Variants in HELZ observed in about 807,000 individuals in gnomAD.
HELZ encodes the protein helicase with zinc finger.
In HELZ, 23 loss-of-function variants were observed where a neutral mutation model predicts 218.2. The ratio of observed to expected loss-of-function variants is 0.11; its 90% CI spans 0.08 to 0.15. The LOEUF (loss-of-function observed/expected upper bound fraction) is 0.15. Among genes scored for constraint, HELZ ranks in the 10% least tolerant of loss-of-function variants. The pLI is 1.00. For missense variants in HELZ, 1,813 were observed against 2,353.7 expected, an observed-to-expected ratio of 0.77 and a Z score of 4.75; for synonymous variants, 814 against 829.4, an observed-to-expected ratio of 0.98 and a Z score of 0.32.
At chr17:67,232,989 C>G (rs558543145) in intron 3 of HELZ, among the ~76,000 whole-genome samples, 2 of 152,294 alleles carry the variant, frequency 1.3e-5, no homozygotes, top group South Asian at 2.1e-4. Context: ...CAAAAATTAG[C>G]TGGGCATGGT....
At chr17:67,080,905 C>T (rs1396600923) in intron 32 of HELZ, among the ~76,000 whole-genome samples, 2 of 152,180 alleles carry the variant, frequency 1.3e-5, no homozygotes, top group African/African-American at 4.8e-5. Flanking sequence ...GCTTTCCCTG[C>T]TTCCTTTTAG....
At chr17:67,174,191 T>C (rs1376452640) in intron 13 of HELZ, among the ~76,000 whole-genome samples, 2 of 137,476 alleles carry the variant, frequency 1.5e-5, no homozygotes, top group African/African-American at 5.6e-5. Flanking sequence ...TTGAAAAAAA[T>C]CATCCTTTAA....
intron 7 of HELZ, among the ~76,000 whole-genome samples, chr17:67,199,849 G>A (rs999050582): frequency 1.3e-5 from 2 of 151,996 alleles, no homozygotes; most frequent in South Asian, 2.1e-4. Context: ...TGTCTGAAGC[G>A]CCCTCCATCT....
At chr17:67,110,224 C>T (rs964999654) in intron 28 of HELZ, among the ~76,000 whole-genome samples, 8 of 152,106 alleles carry the variant, frequency 5.3e-5, no homozygotes, top group African/African-American at 1.7e-4. Flanking sequence ...TGCACCACCA[C>T]GCCCAACTAA....
chr17:67,237,975 C>G (rs2143492430), intron 3 of HELZ, among the ~76,000 whole-genome samples: 1 of 136,864 alleles, frequency 7.3e-6, no homozygotes, highest in Non-Finnish European at 1.6e-5. Context: ...GCAACAAAAG[C>G]AAGACTCCAT....
At chr17:67,120,268 T>G in intron 27 of HELZ, 137 bp downstream of exon 27, 1 of 710,658 alleles carries the variant, frequency 1.4e-6, no homozygotes. Flanking sequence ...CCTCCCAAAG[T>G]GCTGGTAGAT....
intron 23 of HELZ, among the ~76,000 whole-genome samples, chr17:67,131,119 C>T (rs553917840): frequency 4.3e-4 from 66 of 152,220 alleles, no homozygotes; most frequent in Non-Finnish European, 8.4e-4. Flanking sequence ...AACTCCTGGC[C>T]TCAAGTAATC....
chr17:67,154,615 T>C (rs982668582), intron 17 of HELZ, among the ~76,000 whole-genome samples: 5 of 152,146 alleles, frequency 3.3e-5, no homozygotes, highest in Non-Finnish European at 7.4e-5. Flanking sequence ...ATAAGAAAAA[T>C]ACAAGCCTGA....
chr17:67,169,066 C>T (rs1182414948), intron 13 of HELZ, among the ~76,000 whole-genome samples: 3 of 151,888 alleles, frequency 2.0e-5, no homozygotes, highest in African/African-American at 7.3e-5. Context: ...GCACTCCAGC[C>T]TGGGCAACAG....
intron 13 of HELZ, among the ~76,000 whole-genome samples, chr17:67,168,040 T>C (rs1312976732): frequency 6.6e-6 from 1 of 152,118 alleles, no homozygotes; most frequent in Admixed American, 6.5e-5. Context: ...TGGAGTACAG[T>C]GGCACGATCT....
intron 3 of HELZ, chr17:67,225,250 T>C (rs2040858454): frequency 4.3e-6 from 1 of 233,988 alleles, no homozygotes; most frequent in Admixed American, 5.3e-5. Context: ...CCCTATAAAG[T>C]AGATATTAGA....
chr17:67,135,209 A>G (rs1161365922), intron 23 of HELZ, among the ~76,000 whole-genome samples: 1 of 152,236 alleles, frequency 6.6e-6, no homozygotes, highest in East Asian at 1.9e-4. Flanking sequence ...GACCACGTCT[A>G]ACCCCCTAAT....
intron 3 of HELZ, among the ~76,000 whole-genome samples, chr17:67,222,886 C>T (rs1029236854): frequency 6.6e-5 from 10 of 152,012 alleles, no homozygotes; most frequent in Non-Finnish European, 1.3e-4. Flanking sequence ...TAGGACACAT[C>T]GATACATCTG....
intron 15 of HELZ, among the ~76,000 whole-genome samples, chr17:67,164,115 T>C (rs1020524569): frequency 1.3e-5 from 2 of 152,190 alleles, no homozygotes; most frequent in Non-Finnish European, 2.9e-5. Flanking sequence ...ATATGAATAA[T>C]ATGTAAAACC....
At chr17:67,086,529 C>T (rs2036377895) in intron 32 of HELZ, among the ~76,000 whole-genome samples, 1 of 145,906 alleles carries the variant, frequency 6.9e-6, no homozygotes, top group Admixed American at 6.9e-5. Flanking sequence ...TGCAATGAGC[C>T]GAGATCACAC....
chr17:67,081,036 T>C (rs892985356), intron 32 of HELZ, among the ~76,000 whole-genome samples: 14 of 152,220 alleles, frequency 9.2e-5, no homozygotes, highest in African/African-American at 3.4e-4. Flanking sequence ...TTGGCTTAAT[T>C]AGATATGAGC....
chr17:67,100,786 A>C (rs147474249), intron 31 of HELZ, among the ~76,000 whole-genome samples: 2 of 152,298 alleles, frequency 1.3e-5, no homozygotes, highest in East Asian at 1.9e-4. Context: ...AACATTCAAA[A>C]AATAAGAGAG....
chr17:67,092,041 G>A (rs1015504696), intron 31 of HELZ, among the ~76,000 whole-genome samples: 1 of 152,162 alleles, frequency 6.6e-6, no homozygotes, highest in African/African-American at 2.4e-5. Flanking sequence ...CAGATAACGT[G>A]TGATGAATAA....
chr17:67,166,642 T>C (rs2039154056), intron 14 of HELZ, 34 bp from the exon 15 acceptor site: 1 of 1,608,126 alleles, frequency 6.2e-7, no homozygotes, highest in South Asian at 1.1e-5. Context: ...AAAAACTGCA[T>C]GAAAGCAAAC....
Sources: gnomAD v4.1 joint callset for allele counts (sites outside exome capture counted in the v4.1 genomes callset) on GRCh38, gnomAD v4.1.1 for gene constraint, MANE v1.5 for transcripts, NCBI Gene and HGNC (gene_info 2026-07-23, HGNC 2026-07-21) for gene names.